Variants in JMJD1C observed in about 807,000 individuals in gnomAD.
The protein encoded by JMJD1C is jumonji domain containing 1C.
Under a neutral mutation model 245.3 loss-of-function variants are expected in JMJD1C, and 31 were observed. The observed-to-expected ratio is 0.13, with a 90% CI of 0.09 to 0.17. JMJD1C has a LOEUF of 0.17. Ranked by LOEUF, JMJD1C falls within the 10% of genes least tolerant of loss-of-function variation. The pLI, the probability that JMJD1C is intolerant of heterozygous loss-of-function variation, is 1.00. For synonymous variants in JMJD1C, 1,057 were observed against 1,017.4 expected (o/e 1.04, Z -0.74); for missense variants, 2,691 against 3,000.2 (o/e 0.90, Z 2.41).
chr10:63,411,504 G>A (rs986068718), intron 1 of JMJD1C, among the ~76,000 whole-genome samples: 4 of 151,666 alleles, frequency 2.6e-5, no homozygotes, highest in Non-Finnish European at 5.9e-5. Flanking sequence ...TCACCATGTT[G>A]GTCAGGCTGG....
intron 8 of JMJD1C, among the ~76,000 whole-genome samples, chr10:63,211,686 T>C (rs1187660601): frequency 1.3e-5 from 2 of 151,688 alleles, no homozygotes; most frequent in African/African-American, 4.8e-5. Context: ...CCCCCAACTG[T>C]GATCTCACTT....
chr10:63,299,657 T>C (rs188131559), intron 2 of JMJD1C, among the ~76,000 whole-genome samples: 4 of 152,254 alleles, frequency 2.6e-5, no homozygotes, highest in African/African-American at 9.6e-5. Flanking sequence ...CCATAGTTTT[T>C]GTATAAAAAA....
intron 1 of JMJD1C, among the ~76,000 whole-genome samples, chr10:63,435,429 A>G (rs1269565533): frequency 1.3e-5 from 2 of 152,220 alleles, no homozygotes; most frequent in Non-Finnish European, 2.9e-5. Context: ...TTTAATTTGG[A>G]AAGATTATAG....
In JMJD1C at chr10:63,291,079, G is replaced by A. The variant is rs945054354; in HGVS notation, c.334-26315C>T. Among the ~76,000 whole-genome samples the A allele has an allele frequency of 4.6e-5, 7 of 151,948 alleles. No homozygotes were observed. In the South Asian group the frequency reaches 6.2e-4, roughly 14 times the overall value. ...CCCAGCACTTTGAGAGGCCGAGGTG[G>A]GCGGATCACGAGGTTAGGAGTTCAA... On this transcript the variant is annotated intron_variant, in intron 2 of 25. Coordinates refer to ENST00000399262, the MANE Select transcript of JMJD1C (RefSeq NM_032776.3).
intron 1 of JMJD1C, among the ~76,000 whole-genome samples, chr10:63,386,130 T>C (rs1947570699): frequency 6.6e-6 from 1 of 151,900 alleles, no homozygotes; most frequent in African/African-American, 2.4e-5. Flanking sequence ...GAGTAAGTTA[T>C]CTCCCAAATC....
Position 63,168,338 on chromosome 10 carries a change from G to A in JMJD1C, c.7533+97C>T, listed in dbSNP as rs878962031. 4.7e-6 allele frequency: 6 copies of A among 1,281,134 alleles called. No individual in the cohort carries two copies. In the South Asian group the frequency reaches 7.3e-5, roughly 16 times the overall value. The allele number at this position is 1,281,134 out of a possible 1,614,324, so 79.4% of individuals were successfully genotyped here. On this transcript the variant is annotated intron_variant, in intron 25 of 25. Transcript: ENST00000399262. ...TAATCTTTGGTTGTCACCCTAATGT[G>A]ACCAACTAGGCAATGACTGCCTAAG...
At chr10:63,471,303 G>A (rs186147109) in intron 1 of JMJD1C, among the ~76,000 whole-genome samples, 1 of 152,172 alleles carries the variant, frequency 6.6e-6, no homozygotes, top group Admixed American at 6.5e-5. Context: ...GAAAGCCAAT[G>A]TAAAATCTAA....
intron 1 of JMJD1C, among the ~76,000 whole-genome samples, chr10:63,493,314 T>G (rs939822433): frequency 1.7e-5 from 2 of 121,104 alleles, no homozygotes; most frequent in African/African-American, 6.3e-5. Context: ...CAGGCTGGAG[T>G]GCAGTGGCAT....
chr10:63,471,049 C>G (rs1328315254), intron 1 of JMJD1C, among the ~76,000 whole-genome samples: 1 of 152,142 alleles, frequency 6.6e-6, no homozygotes, highest in African/African-American at 2.4e-5. Context: ...CAGCGTGTCC[C>G]ACTGCACTTT....
In JMJD1C at chr10:63,204,683, G is replaced by A. The variant is rs145450404; in HGVS notation, c.5074+1912C>T. 1.4e-4 allele frequency: 136 copies of A among 985,378 alleles called. 2 individuals carry two copies. The East Asian group carries it at 8.5e-3, about 62-fold the overall frequency. 61.0% of individuals were successfully genotyped at this position (985,378 alleles called of 1,614,324 possible). ...TATATAATCCAATATTCAAGTAAAT[G>A]GCAGGTATCCTTCGATGTTAATCCC... On this transcript the variant is annotated intron_variant, in intron 10 of 25. Transcript: ENST00000399262.
chr10:63,205,731 C>CA (rs1846524868), intron 10 of JMJD1C, among the ~76,000 whole-genome samples: 1 of 152,126 alleles, frequency 6.6e-6, no homozygotes, highest in Admixed American at 6.5e-5. Flanking sequence ...AATTGTAACA[C>CA]AAAGTATTTA....
At chr10:63,272,792 AG>A (rs1856455188) in intron 2 of JMJD1C, among the ~76,000 whole-genome samples, 1 of 152,246 alleles carries the variant, frequency 6.6e-6, no homozygotes, top group Non-Finnish European at 1.5e-5. Context: ...ATTGTACATT[AG>A]AAAATTTCAC....
intron 1 of JMJD1C, among the ~76,000 whole-genome samples, chr10:63,421,986 C>G (rs1180045751): frequency 6.6e-6 from 1 of 152,098 alleles, no homozygotes; most frequent in East Asian, 1.9e-4. Context: ...CCCTAGCAAA[C>G]TAATACAGTC....
chr10:63,512,713 G>C (rs1024598922), intron 1 of JMJD1C, among the ~76,000 whole-genome samples: 2 of 152,130 alleles, frequency 1.3e-5, no homozygotes, highest in Non-Finnish European at 2.9e-5. Context: ...GAGCTTCCTG[G>C]ATCTGTAGTT....
At chr10:63,385,382 G>GTT (rs1947508771) in intron 1 of JMJD1C, among the ~76,000 whole-genome samples, 2 of 129,792 alleles carry the variant, frequency 1.5e-5, no homozygotes, top group African/African-American at 5.7e-5. Context: ...TAGATGCAAA[G>GTT]TTGTCACAAA....
chr10:63,286,255 G>A (rs1441684997), intron 2 of JMJD1C, among the ~76,000 whole-genome samples: 6 of 152,164 alleles, frequency 3.9e-5, no homozygotes, highest in Non-Finnish European at 8.8e-5. Context: ...GAATTTTCAA[G>A]ATCACCTGGA....
chr10:63,467,009 TA>T (rs11359293), upstream of JMJD1C, among the ~76,000 whole-genome samples: 64,747 of 149,712 alleles, frequency 0.43, 14,413 homozygotes, highest in South Asian at 0.54. Context: ...AACCTCTATT[TA>T]AAAAAAAAAA....
At chr10:63,239,826 C>T (rs1002689770) in intron 3 of JMJD1C, among the ~76,000 whole-genome samples, 1 of 152,114 alleles carries the variant, frequency 6.6e-6, no homozygotes, top group African/African-American at 2.4e-5. Flanking sequence ...GGAAGAAAAA[C>T]GAAATCAAGG....
At position 63,190,941 on chromosome 10, in the gene JMJD1C, T is replaced by C. The variant is rs1240493926; in HGVS notation, c.6244A>G (p.Thr2082Ala). 9 of 1,613,996 alleles carry C rather than the reference T, an allele frequency of 5.6e-6. No homozygotes were observed. The highest frequency in any genetic ancestry group is 1.6e-4 in the Middle Eastern group (1 of 6,084). Residue 2082 changes from threonine to alanine, a missense_variant, in exon 17 of 26, where the codon ACA (threonine) becomes GCA (alanine). This residue lies in a region of JMJD1C where 275 missense variants were observed against 285.5 expected (regional missense o/e 0.96). Transcript: ENST00000399262. ...GGGGCAAAGGCAATGCCAGCATCTG[T>C]AGACCCCACACGTAGCTTTCCAGCT... ...TTAGKLRVGS[T>A]DAGIAFAPVY...
Sources: gnomAD v4.1 joint callset for allele counts (sites outside exome capture counted in the v4.1 genomes callset) on GRCh38, gnomAD v4.1.1 for gene constraint, gnomAD v4.1.1 regional missense constraint, MANE v1.5 for transcripts, NCBI Gene and HGNC (gene_info 2026-07-23, HGNC 2026-07-21) for gene names.